SNX29: variants seen among roughly 807,000 people sequenced by gnomAD.
SNX29 encodes sorting nexin 29.
SNX29 carries 78 observed loss-of-function variants against 102.1 expected under a neutral mutation model. That is an observed-to-expected ratio of 0.76 (90% CI 0.64 to 0.92). The LOEUF is 0.92. Among genes scored for constraint, SNX29 ranks in the 40% least tolerant of loss-of-function variants. SNX29 has a pLI of 0.00. For missense variants in SNX29, 1,280 were observed against 1,061.7 expected (o/e 1.21, Z -2.86); for synonymous variants, 580 against 414.5 (o/e 1.40, Z -4.85).
rs1034112800 is a variant in SNX29, at chr16:12,571,647, C to T, written c.*3018C>T. The T allele has an allele frequency of 6.8e-5, 72 of 1,058,516 alleles. No individual in the cohort carries two copies. In the African/African-American group the frequency reaches 7.6e-4, roughly 11 times the overall value. 65.6% of individuals were successfully genotyped at this position (1,058,516 alleles called of 1,614,324 possible). A position where few individuals can be genotyped will look rare whatever the true frequency, so the allele number is the denominator to read the frequency against. On this transcript the variant is annotated 3_prime_UTR_variant, in exon 21 of 21. Transcript: ENST00000566228. Reference sequence around the variant, plus strand: ...CTTTTTTTCTCCCCCAGATGAAAGACGACTCAGGAACGGTAGGGCTGGGCA... The same window carrying T: ...CTTTTTTTCTCCCCCAGATGAAAGATGACTCAGGAACGGTAGGGCTGGGCA...
intron 13 of SNX29, among the ~76,000 whole-genome samples, chr16:12,136,147 C>T (rs184339732): frequency 3.9e-5 from 6 of 152,380 alleles, no homozygotes. Flanking sequence ...CTCACATGAA[C>T]ATGTTGTCAG....
chr16:12,421,203 C>T (rs2084859056), intron 18 of SNX29, among the ~76,000 whole-genome samples: 1 of 152,156 alleles, frequency 6.6e-6, no homozygotes, highest in African/African-American at 2.4e-5. Context: ...ACTGAGAAGC[C>T]AAGCCAGCAG....
At chr16:12,425,704 C>T (rs1449095264) in intron 18 of SNX29, among the ~76,000 whole-genome samples, 1 of 152,084 alleles carries the variant, frequency 6.6e-6, no homozygotes, top group African/African-American at 2.4e-5. Context: ...AGAGTGTGTC[C>T]TGGAGTTTGC....
At chr16:12,143,803 A>C (rs149657859) in intron 13 of SNX29, among the ~76,000 whole-genome samples, 16 of 152,308 alleles carry the variant, frequency 1.1e-4, no homozygotes, top group Non-Finnish European at 1.9e-4. Context: ...CTCTGGGTTG[A>C]AGAGCGAAAT....
intron 13 of SNX29, among the ~76,000 whole-genome samples, chr16:12,169,167 G>C (rs549740039): frequency 6.6e-6 from 1 of 152,192 alleles, no homozygotes; most frequent in African/African-American, 2.4e-5. Context: ...CTTGAACTGG[G>C]TGAATTGTTT....
chr16:12,539,484 C>T lies in SNX29; in HGVS notation c.2318+14643C>T, dbSNP rs554298279. Among the ~76,000 whole-genome samples, 11 of 152,272 alleles carry T rather than the reference C, an allele frequency of 7.2e-5. No individual in the cohort carries two copies. In the East Asian group the frequency reaches 1.4e-3, roughly 19 times the overall value. On this transcript the variant is annotated intron_variant, in intron 20 of 20. Transcript: ENST00000566228. ...ATGGATATACCACGGTTTATCTAGT[C>T]ATAAAGGAATAAAGTTGCGTTGGTT...
At chr16:12,356,565 A>G (rs111840423) in intron 16 of SNX29, among the ~76,000 whole-genome samples, 2,231 of 152,290 alleles carry the variant, frequency 0.015, 47 homozygotes, top group African/African-American at 0.051. Flanking sequence ...ATACTTTACT[A>G]CATGGGTAAA....
chr16:12,453,430 C>A (rs2086395638), intron 18 of SNX29, among the ~76,000 whole-genome samples: 1 of 152,196 alleles, frequency 6.6e-6, no homozygotes, highest in Admixed American at 6.5e-5. Context: ...CAATTTATTT[C>A]CTCTTAAACA....
chr16:12,546,029 C>CACCCTTGAGTGT (rs927499271), intron 20 of SNX29, among the ~76,000 whole-genome samples: 3 of 152,224 alleles, frequency 2.0e-5, no homozygotes, highest in Non-Finnish European at 4.4e-5. Flanking sequence ...AAAAAACCCA[C>CACCCTTGAGTGT]ACCCTTGAGT....
intron 20 of SNX29, among the ~76,000 whole-genome samples, chr16:12,547,083 T>TTCACATAGG (rs2077652216): frequency 6.6e-6 from 1 of 152,210 alleles, no homozygotes; most frequent in African/African-American, 2.4e-5. Context: ...GACATGCCTA[T>TTCACATAGG]GTGAGGTGGC....
intron 13 of SNX29, among the ~76,000 whole-genome samples, chr16:12,132,637 G>T (rs1193443391): frequency 6.6e-6 from 1 of 152,208 alleles, no homozygotes; most frequent in African/African-American, 2.4e-5. Flanking sequence ...TCCACAGGAA[G>T]CGTGTTTTAG....
At chr16:12,399,435 A>G (rs554830076) in intron 17 of SNX29, among the ~76,000 whole-genome samples, 88 of 152,298 alleles carry the variant, frequency 5.8e-4, no homozygotes, top group Non-Finnish European at 1.1e-3. Context: ...CTCCTCTCTC[A>G]TTCATCTCTG....
In SNX29 at chr16:12,573,847, T is replaced by G. The variant is rs538809419; in HGVS notation, c.*5218T>G. Reference sequence around the variant, plus strand: ...AATTTTTATTATCCAGGACTCATCCTAAGAAGAATGTTGGCCTCTCTTCAT... The same window carrying G: ...AATTTTTATTATCCAGGACTCATCCGAAGAAGAATGTTGGCCTCTCTTCAT... On this transcript the variant is annotated 3_prime_UTR_variant, in exon 21 of 21. Coordinates refer to ENST00000566228, the MANE Select transcript of SNX29 (RefSeq NM_032167.5). The G allele has an allele frequency of 9.4e-6, 2 of 212,790 alleles. No homozygotes were observed. The highest frequency in any genetic ancestry group is 2.3e-5 in the African/African-American group (1 of 44,136). The allele number at this position is 212,790 out of a possible 1,614,324, so 13.2% of individuals were successfully genotyped here.
intron 11 of SNX29, among the ~76,000 whole-genome samples, chr16:12,102,347 C>T (rs565177507): frequency 6.6e-6 from 1 of 152,356 alleles, no homozygotes; most frequent in Admixed American, 6.5e-5. Flanking sequence ...GCCACACTGT[C>T]TTCCACAATG....
chr16:12,031,127 C>A (rs2057330140), intron 4 of SNX29, among the ~76,000 whole-genome samples: 1 of 151,776 alleles, frequency 6.6e-6, no homozygotes, highest in Non-Finnish European at 1.5e-5. Flanking sequence ...GGCTAGAGTG[C>A]AGTGGTGCGA....
chr16:12,551,747 C>T (rs1169666049), intron 20 of SNX29, among the ~76,000 whole-genome samples: 4 of 152,222 alleles, frequency 2.6e-5, no homozygotes, highest in East Asian at 1.9e-4. Flanking sequence ...GAAATACTTC[C>T]TGGCTGCCTT....
intron 20 of SNX29, among the ~76,000 whole-genome samples, chr16:12,551,375 C>T (rs1233993775): frequency 1.3e-5 from 2 of 152,196 alleles, no homozygotes; most frequent in East Asian, 1.9e-4. Context: ...ATTTGCAGAA[C>T]TTCCCCAACA....
intron 19 of SNX29, among the ~76,000 whole-genome samples, chr16:12,514,503 A>C (rs1188017040): frequency 6.6e-6 from 1 of 152,120 alleles, no homozygotes. Context: ...CTACCCCCCA[A>C]CTAAGGAGTT....
At chr16:12,243,328 C>G (rs560897407) in intron 14 of SNX29, among the ~76,000 whole-genome samples, 55 of 152,362 alleles carry the variant, frequency 3.6e-4, no homozygotes, top group African/African-American at 1.2e-3. Context: ...CTGTCTGGCC[C>G]TCGCTGATCT....
Sources: gnomAD v4.1 joint callset for allele counts (sites outside exome capture counted in the v4.1 genomes callset) on GRCh38, gnomAD v4.1.1 for gene constraint, MANE v1.5 for transcripts, NCBI Gene and HGNC (gene_info 2026-07-23, HGNC 2026-07-21) for gene names.